NOX4: variants seen among roughly 807,000 people sequenced by gnomAD.
The protein encoded by NOX4 is NADPH oxidase 4, also known as kidney oxidase-1.
In NOX4, 69 loss-of-function variants were observed where a neutral mutation model predicts 87.6. The ratio of observed to expected loss-of-function variants is 0.79; its 90% CI spans 0.65 to 0.96. The LOEUF is 0.96. NOX4 is among the 40% of genes least tolerant of loss of function. NOX4 has a pLI of 0.00. For synonymous variants in NOX4, 275 were observed against 238.2 expected (o/e 1.15, Z -1.42); for missense variants, 680 against 681.5 (o/e 1.00, Z 0.02).
At chr11:89,577,473 C>T in the NOX4 span, 1 of 152,134 alleles carries the variant, frequency 6.6e-6, no homozygotes, top group African/African-American at 2.4e-5. Flanking sequence ...ATTTGAAGAT[C>T]TTTTATTATG....
chr11:89,484,549 T>C (rs904492059), intron 2 of NOX4, among the ~76,000 whole-genome samples: 3 of 152,006 alleles, frequency 2.0e-5, no homozygotes, highest in Non-Finnish European at 2.9e-5. Flanking sequence ...GTGGCTAATA[T>C]TGGACTAAGG....
At chr11:89,444,986 G>A (rs976373767) in intron 4 of NOX4, among the ~76,000 whole-genome samples, 3 of 152,200 alleles carry the variant, frequency 2.0e-5, no homozygotes, top group South Asian at 2.1e-4. Flanking sequence ...AGATGTGCAC[G>A]GGCCCATCAC....
chr11:89,349,010 C>T (rs1409236039), intron 13 of NOX4, among the ~76,000 whole-genome samples: 1 of 152,116 alleles, frequency 6.6e-6, no homozygotes, highest in Non-Finnish European at 1.5e-5. Context: ...TAACTTGGGC[C>T]AGGTACAGTG....
intron 13 of NOX4, among the ~76,000 whole-genome samples, chr11:89,353,278 T>C (rs766978716): frequency 1.2e-4 from 18 of 152,192 alleles, no homozygotes; most frequent in Non-Finnish European, 2.4e-4. Flanking sequence ...AGAAATCTTT[T>C]GTAAAAGGAA....
the NOX4 span, among the ~76,000 whole-genome samples, chr11:89,551,774 A>T: frequency 6.6e-6 from 1 of 151,986 alleles, no homozygotes; most frequent in African/African-American, 2.4e-5. Context: ...TCCTGTTTGA[A>T]TACCATTTTT....
At chr11:89,455,346 C>G (rs997336472) in intron 2 of NOX4, among the ~76,000 whole-genome samples, 5 of 152,020 alleles carry the variant, frequency 3.3e-5, no homozygotes, top group Non-Finnish European at 5.9e-5. Flanking sequence ...CTCATTTCTC[C>G]TTATAACTTC....
chr11:89,387,337 C>G (rs1396070765), intron 11 of NOX4, among the ~76,000 whole-genome samples: 1 of 151,902 alleles, frequency 6.6e-6, no homozygotes, highest in Non-Finnish European at 1.5e-5. Flanking sequence ...CTCAGAAGCT[C>G]CCCCACTGAG....
At chr11:89,466,857 G>C (rs188104387) in intron 2 of NOX4, among the ~76,000 whole-genome samples, 52 of 152,168 alleles carry the variant, frequency 3.4e-4, no homozygotes, top group African/African-American at 1.0e-3. Flanking sequence ...AAAACTAGAA[G>C]TCAGCTAGAA....
At position 89,462,026 on chromosome 11, in the gene NOX4, G is replaced by T. The variant is rs80041509; in HGVS notation, c.154-10131C>A. Among the ~76,000 whole-genome samples the T allele has an allele frequency of 6.2e-3, 950 of 152,024 alleles. 9 individuals are homozygous for T. Among genetic ancestry groups the T allele is most frequent in the African/African-American group, 0.022 (916 of 41,478 alleles). ...AAGAAAAAAAAAAGGAAGAAAGGAAGCAAGGGAGGGTAAGAAGCATGAAAG... is the reference window on the plus strand; with the variant it reads ...AAGAAAAAAAAAAGGAAGAAAGGAATCAAGGGAGGGTAAGAAGCATGAAAG... On this transcript the variant is annotated intron_variant, in intron 2 of 17. Coordinates refer to ENST00000263317, the MANE Select transcript of NOX4 (RefSeq NM_016931.5).
At chr11:89,434,295 G>A (rs1312855203) in intron 6 of NOX4, among the ~76,000 whole-genome samples, 1 of 152,032 alleles carries the variant, frequency 6.6e-6, no homozygotes, top group African/African-American at 2.4e-5. Context: ...AAGAGAATTA[G>A]TCTATGGGTT....
chr11:89,481,896 C>T (rs528638831), intron 2 of NOX4, among the ~76,000 whole-genome samples: 3 of 152,190 alleles, frequency 2.0e-5, no homozygotes, highest in African/African-American at 7.2e-5. Context: ...AGGGCTACGA[C>T]GACTGCTACT....
At chr11:89,496,374 T>A (rs1946950670), upstream of NOX4, among the ~76,000 whole-genome samples, 1 of 152,198 alleles carries the variant, frequency 6.6e-6, no homozygotes, top group Non-Finnish European at 1.5e-5. Context: ...TGAAAGCTTG[T>A]TGAATAAAAC....
intron 17 of NOX4, among the ~76,000 whole-genome samples, chr11:89,333,846 C>T (rs1385894424): frequency 2.0e-5 from 3 of 151,728 alleles, no homozygotes; most frequent in Non-Finnish European, 4.4e-5. Context: ...CAGGCACCTG[C>T]CTGAGAACCA....
In NOX4 at chr11:89,388,496, T is replaced by C. The variant is rs535919198; in HGVS notation, c.1074+11521A>G. On this transcript the variant is annotated intron_variant, in intron 11 of 17. Coordinates refer to ENST00000263317, the MANE Select transcript of NOX4 (RefSeq NM_016931.5). ...GCTATCATTTCATCTGCAGAGCTCC[T>C]GTCAGATCTTCTGAGACCTCTATGG... is the stretch of plus-strand genomic sequence containing the variant. Among the ~76,000 whole-genome samples, 7 of 152,332 alleles carry C rather than the reference T, an allele frequency of 4.6e-5. No individual in the cohort carries two copies. In the South Asian group the frequency reaches 1.0e-3, roughly 23 times the overall value.
At chr11:89,411,260 T>C (rs894326907) in intron 8 of NOX4, among the ~76,000 whole-genome samples, 4 of 152,132 alleles carry the variant, frequency 2.6e-5, no homozygotes, top group African/African-American at 9.7e-5. Context: ...TGGGTGAGAC[T>C]GAGAGATGTA....
At chr11:89,529,014 C>A in the NOX4 span, among the ~76,000 whole-genome samples, 1 of 151,806 alleles carries the variant, frequency 6.6e-6, no homozygotes, top group Non-Finnish European at 1.5e-5. Flanking sequence ...GTTTTGTGAA[C>A]AGGTAGAAGA....
intron 1 of NOX4, 41 bp from the exon 2 acceptor site, chr11:89,490,594 A>C (rs1946811053): frequency 7.1e-7 from 1 of 1,405,692 alleles, no homozygotes; most frequent in Admixed American, 1.7e-5. Context: ...CAAAAATTGA[A>C]AATAATTATT....
intron 17 of NOX4, among the ~76,000 whole-genome samples, 193 bp downstream of exon 17, chr11:89,335,651 CT>C (rs1391742939): frequency 6.6e-6 from 1 of 151,774 alleles, no homozygotes; most frequent in African/African-American, 2.4e-5. Flanking sequence ...CTAAGCCAAA[CT>C]TTAATTATTT....
At chr11:89,516,269 C>G in the NOX4 span, among the ~76,000 whole-genome samples, 2 of 152,008 alleles carry the variant, frequency 1.3e-5, no homozygotes, top group African/African-American at 4.8e-5. Flanking sequence ...TGGTTTTAAA[C>G]AGTCCTATAT....
Sources: gnomAD v4.1 joint callset for allele counts (sites outside exome capture counted in the v4.1 genomes callset) on GRCh38, gnomAD v4.1.1 for gene constraint, MANE v1.5 for transcripts, NCBI Gene and HGNC (gene_info 2026-07-23, HGNC 2026-07-21) for gene names.